Variants in HSD17B12 observed in about 807,000 individuals in gnomAD.
HSD17B12 encodes the protein hydroxysteroid 17-beta dehydrogenase 12, also known as very-long-chain 3-oxoacyl-CoA reductase.
A neutral mutation model predicts 39.3 loss-of-function variants in HSD17B12; 32 were observed. That is an observed-to-expected ratio of 0.81 (90% CI 0.61 to 1.09). The LOEUF is 1.09. Among genes scored for constraint, HSD17B12 ranks in the 50% least tolerant of loss-of-function variants. HSD17B12 has a pLI of 0.00. For synonymous variants in HSD17B12, 150 were observed against 146.7 expected, an observed-to-expected ratio of 1.02 and a Z score of -0.16; for missense variants, 342 against 382.9, an observed-to-expected ratio of 0.89 and a Z score of 0.89.
chr11:43,671,675 A>G, the HSD17B12 span, among the ~76,000 whole-genome samples: 1 of 152,250 alleles, frequency 6.6e-6, no homozygotes, highest in Non-Finnish European at 1.5e-5. Context: ...GTGGAGAAAG[A>G]AAGTTGTTGA....
chr11:43,645,036 G>A, the HSD17B12 span: 1 of 151,486 alleles, frequency 6.6e-6, no homozygotes, highest in African/African-American at 2.5e-5. Flanking sequence ...CTGTGAAGTT[G>A]TTTGAGTTTA....
At chr11:43,759,267 T>G (rs1194656905) in intron 3 of HSD17B12, among the ~76,000 whole-genome samples, 2 of 152,202 alleles carry the variant, frequency 1.3e-5, no homozygotes, top group African/African-American at 4.8e-5. Context: ...AAGTAATTCC[T>G]TATGAATGTG....
At chr11:43,795,064 G>C (rs1431811317) in intron 3 of HSD17B12, among the ~76,000 whole-genome samples, 1 of 152,082 alleles carries the variant, frequency 6.6e-6, no homozygotes, top group Non-Finnish European at 1.5e-5. Flanking sequence ...TGGAAATGAG[G>C]GCTGTGTTAT....
chr11:43,855,221 C>G lies in HSD17B12; in HGVS notation c.912C>G (p.His304Gln), dbSNP rs190655336. The G allele has an allele frequency of 3.7e-5, 59 of 1,608,454 alleles. No individual in the cohort carries two copies. The East Asian group carries it at 1.2e-3, about 32-fold the overall frequency. Residue 304 changes from histidine to glutamine, a missense_variant, in exon 11 of 11, where the codon CAC (histidine) becomes CAG (glutamine). By Grantham distance (24) the His-to-Gln change is conservative (BLOSUM62 0). Transcript: ENST00000278353. ...ATATGAACAAGTCTACACGGGCTCACTATCTGAAGAAAACCAAGAAGAACT... is the reference window on the plus strand; with the variant it reads ...ATATGAACAAGTCTACACGGGCTCAGTATCTGAAGAAAACCAAGAAGAACT... Reference protein sequence around the residue: ...VMNMNKSTRAHYLKKTKKN With the variant: ...VMNMNKSTRAQYLKKTKKN
intron 4 of HSD17B12, among the ~76,000 whole-genome samples, chr11:43,800,055 C>A (rs1439878345): frequency 1.3e-5 from 2 of 152,172 alleles, no homozygotes; most frequent in Non-Finnish European, 2.9e-5. Context: ...TCACAGTTTC[C>A]TCTTCCTTAG....
intron 3 of HSD17B12, among the ~76,000 whole-genome samples, chr11:43,783,419 T>G (rs1219345243): frequency 7.2e-5 from 11 of 152,062 alleles, no homozygotes; most frequent in African/African-American, 2.4e-4. Context: ...TTTTACTTTT[T>G]TTTTTAAATT....
chr11:43,677,929 A>C (rs570624288), upstream of HSD17B12, among the ~76,000 whole-genome samples: 263 of 152,340 alleles, frequency 1.7e-3, no homozygotes, highest in African/African-American at 6.1e-3. Flanking sequence ...ATGATTTATA[A>C]TCCTTTGGGT....
chr11:43,665,888 C>A, the HSD17B12 span, among the ~76,000 whole-genome samples: 2 of 152,190 alleles, frequency 1.3e-5, no homozygotes, highest in African/African-American at 2.4e-5. Context: ...GGAGCAAAGC[C>A]TGCTGATATC....
chr11:43,709,148 C>T (rs1426146762), intron 1 of HSD17B12, among the ~76,000 whole-genome samples: 2 of 151,660 alleles, frequency 1.3e-5, no homozygotes, highest in Non-Finnish European at 2.9e-5. Flanking sequence ...TTTTTTGAGA[C>T]AGAGCCTTGC....
chr11:43,686,600 T>G (rs901266926), intron 1 of HSD17B12, among the ~76,000 whole-genome samples: 2 of 150,582 alleles, frequency 1.3e-5, no homozygotes, highest in Non-Finnish European at 1.5e-5. Context: ...ACCCTGTTTT[T>G]TTTTTTTTTT....
Position 43,825,707 on chromosome 11 carries a change from TG to T in HSD17B12, c.502-5267del, listed in dbSNP as rs549311561. Among the ~76,000 whole-genome samples the T allele has an allele frequency of 7.9e-5, 12 of 152,350 alleles. No individual in the cohort carries two copies. The South Asian group carries it at 2.3e-3, about 29-fold the overall frequency. ...ATGCTCCTAAAAAATTCCAAATTAT[TG>T]GATACATTTAGTCCTTAGAGTGTCA... On this transcript the variant is annotated intron_variant, in intron 6 of 10. Transcript: ENST00000278353.
At chr11:43,645,284 CA>C in the HSD17B12 span, 1 of 152,322 alleles carries the variant, frequency 6.6e-6, no homozygotes, top group Admixed American at 6.5e-5. Context: ...GTTTCTGCCA[CA>C]ATGTACTGCT....
chr11:43,563,277 A>G, the HSD17B12 span, among the ~76,000 whole-genome samples: 2 of 152,224 alleles, frequency 1.3e-5, no homozygotes, highest in Admixed American at 1.3e-4. Flanking sequence ...CTCGTAGTCC[A>G]GAGATGAGAG....
chr11:43,734,205 A>G, intron 1 of HSD17B12: 2 of 1,570,690 alleles, frequency 1.3e-6, no homozygotes, highest in Non-Finnish European at 1.7e-6. Context: ...CAGGTGAGCG[A>G]CGACCTTACG....
the HSD17B12 span, among the ~76,000 whole-genome samples, chr11:43,600,072 C>T: frequency 6.6e-6 from 1 of 151,934 alleles, no homozygotes. Context: ...TTTTCTCTTC[C>T]CACCTCCATT....
the HSD17B12 span, among the ~76,000 whole-genome samples, chr11:43,651,724 G>A: frequency 9.2e-5 from 14 of 152,098 alleles, no homozygotes; most frequent in Admixed American, 6.6e-5. Context: ...GGGATTACAG[G>A]TGCACACCAC....
intron 1 of HSD17B12, among the ~76,000 whole-genome samples, chr11:43,744,203 CAATT>C (rs1436216238): frequency 6.6e-6 from 1 of 152,062 alleles, no homozygotes; most frequent in Non-Finnish European, 1.5e-5. Context: ...TATTATTAAA[CAATT>C]AACATAAGAA....
the HSD17B12 span, among the ~76,000 whole-genome samples, chr11:43,588,170 AT>A: frequency 6.6e-6 from 1 of 152,182 alleles, no homozygotes. Flanking sequence ...GCAAAGGGGC[AT>A]TTACTGATTT....
intron 1 of HSD17B12, among the ~76,000 whole-genome samples, chr11:43,721,101 A>G (rs1350667497): frequency 6.6e-6 from 1 of 151,894 alleles, no homozygotes; most frequent in Admixed American, 6.6e-5. Context: ...GATGAGCAAG[A>G]CAGTCATAGA....
Sources: gnomAD v4.1 joint callset for allele counts (sites outside exome capture counted in the v4.1 genomes callset) on GRCh38, gnomAD v4.1.1 for gene constraint, MANE v1.5 for transcripts, NCBI Gene and HGNC (gene_info 2026-07-23, HGNC 2026-07-21) for gene names.